Variants in GRID1 observed in about 807,000 individuals in gnomAD.
The protein encoded by GRID1 is glutamate ionotropic receptor delta type subunit 1, also known as glutamate receptor ionotropic, delta-1.
A neutral mutation model predicts 98.0 loss-of-function variants in GRID1; 28 were observed. The ratio of observed to expected loss-of-function variants is 0.29; its 90% CI spans 0.21 to 0.39. GRID1 has a LOEUF of 0.39. Ranked by LOEUF, GRID1 falls within the 10% of genes least tolerant of loss-of-function variation. The pLI, the probability that GRID1 is intolerant of heterozygous loss-of-function variation, is 1.00. For missense variants in GRID1, 1,111 were observed against 1,340.5 expected (o/e 0.83, Z 2.67); for synonymous variants, 553 against 538.5 (o/e 1.03, Z -0.37).
At chr10:86,327,794 T>G (rs779598522) in intron 2 of GRID1, among the ~76,000 whole-genome samples, 1 of 152,172 alleles carries the variant, frequency 6.6e-6, no homozygotes, top group Non-Finnish European at 1.5e-5. Flanking sequence ...TGTGAAAAAG[T>G]GGGTGCTCTT....
In GRID1 at chr10:85,724,361, C is replaced by T. The variant is rs1427231614; in HGVS notation, c.1849G>A (p.Val617Ile). 2.2e-5 allele frequency: 35 copies of T among 1,612,310 alleles called. No individual in the cohort carries two copies. The highest frequency in any genetic ancestry group is 2.8e-5 in the Non-Finnish European group (33 of 1,178,694). The change falls in exon 11 of 16, where the codon GTA becomes ATA. Residue 617 changes from valine to isoleucine, a missense_variant. Val to Ile is a conservative substitution (Grantham distance 29). Around this residue, in one of 3 missense-constraint regions of GRID1, gnomAD observed 762 missense variants for 869.1 expected, o/e 0.88. Transcript: ENST00000327946. ...GAAACCAGAAAGGTACCTTGCTGTA[C>T]GAAGGCTCCATAGACAATCCAGATG... The part of the protein sequence containing the change: ...SAIWIVYGAF[V>I]QQGGESSVNS...
At chr10:86,268,762 G>A (rs749070847) in intron 2 of GRID1, among the ~76,000 whole-genome samples, 2 of 152,086 alleles carry the variant, frequency 1.3e-5, no homozygotes, top group South Asian at 2.1e-4. Flanking sequence ...ATGCCAAGGC[G>A]GGCTGATCAC....
intron 4 of GRID1, among the ~76,000 whole-genome samples, chr10:86,127,096 G>A (rs1589380639): frequency 6.6e-6 from 1 of 152,236 alleles, no homozygotes; most frequent in East Asian, 1.9e-4. Flanking sequence ...ATAGGGCAGA[G>A]AGAAGGGGCA....
chr10:85,695,591 A>G (rs1373267568), intron 12 of GRID1, among the ~76,000 whole-genome samples: 1 of 152,218 alleles, frequency 6.6e-6, no homozygotes, highest in Non-Finnish European at 1.5e-5. Flanking sequence ...ATCTCTGGAT[A>G]CAGGAGGAAT....
At chr10:86,102,675 C>T (rs1844314261) in intron 4 of GRID1, among the ~76,000 whole-genome samples, 2 of 152,182 alleles carry the variant, frequency 1.3e-5, no homozygotes, top group Non-Finnish European at 2.9e-5. Flanking sequence ...GCCAAGAGGC[C>T]CAGGGGACGG....
intron 4 of GRID1, among the ~76,000 whole-genome samples, chr10:86,063,894 C>T (rs1843683165): frequency 6.6e-6 from 1 of 152,064 alleles, no homozygotes; most frequent in South Asian, 2.1e-4. Flanking sequence ...ACTGTCAGGC[C>T]TAAGTATAGA....
rs192383398 is a variant in GRID1 at position 85,852,132 on chromosome 10, T to C, written c.1233+2364A>G. ...GCTACAGTAAATCCCACTCCCTGCT[T>C]TCCAGATAACTTCCCCTTAGCAGCG... On this transcript the variant is annotated intron_variant, in intron 8 of 15. Coordinates refer to ENST00000327946, the MANE Select transcript of GRID1 (RefSeq NM_017551.3). Among the ~76,000 whole-genome samples, 37 of 152,304 alleles carry C rather than the reference T, an allele frequency of 2.4e-4. 1 individual carries two copies. In the Middle Eastern group the frequency reaches 0.014, roughly 56 times the overall value.
chr10:86,274,746 T>C (rs934498124), intron 2 of GRID1, among the ~76,000 whole-genome samples: 13 of 151,772 alleles, frequency 8.6e-5, no homozygotes, highest in African/African-American at 3.1e-4. Flanking sequence ...GCTTGTGATT[T>C]TTGTACATTG....
At chr10:85,737,478 T>C (rs1055265858) in intron 8 of GRID1, among the ~76,000 whole-genome samples, 7 of 151,622 alleles carry the variant, frequency 4.6e-5, no homozygotes, top group Non-Finnish European at 8.8e-5. Context: ...CAGGCCACAA[T>C]GGTCTCAGTG....
At chr10:86,363,579 C>T (rs1296284384) in intron 2 of GRID1, among the ~76,000 whole-genome samples, 2 of 152,204 alleles carry the variant, frequency 1.3e-5, no homozygotes, top group African/African-American at 2.4e-5. Flanking sequence ...TACAGGTACC[C>T]GGCACGCAGA....
At chr10:86,173,180 G>GT in intron 3 of GRID1, among the ~76,000 whole-genome samples, 1 of 152,302 alleles carries the variant, frequency 6.6e-6, no homozygotes, top group African/African-American at 2.4e-5. Context: ...TGGGACTACA[G>GT]GTGTGTGCCA....
intron 4 of GRID1, among the ~76,000 whole-genome samples, chr10:86,087,718 G>C (rs981933876): frequency 1.3e-5 from 2 of 150,682 alleles, no homozygotes; most frequent in Non-Finnish European, 2.9e-5. Flanking sequence ...GTATCACAGA[G>C]ATGTGCAGCC....
chr10:86,097,137 G>A (rs565232654), intron 4 of GRID1, among the ~76,000 whole-genome samples: 58 of 152,290 alleles, frequency 3.8e-4, no homozygotes, highest in African/African-American at 1.3e-3. Flanking sequence ...CTGGTCCTAA[G>A]ACCTTCAGAC....
At chr10:86,145,886 A>G (rs1466390598) in intron 3 of GRID1, among the ~76,000 whole-genome samples, 1 of 152,204 alleles carries the variant, frequency 6.6e-6, no homozygotes, top group Non-Finnish European at 1.5e-5. Flanking sequence ...GCGTGACTTC[A>G]GCAGCCACAC....
At chr10:86,033,288 T>C (rs1185092487) in intron 4 of GRID1, among the ~76,000 whole-genome samples, 1 of 152,120 alleles carries the variant, frequency 6.6e-6, no homozygotes, top group South Asian at 2.1e-4. Context: ...CTAATTATCA[T>C]CATCAAACAT....
chr10:85,709,925 TA>T (rs1328391229), intron 12 of GRID1, among the ~76,000 whole-genome samples: 1 of 151,954 alleles, frequency 6.6e-6, no homozygotes, highest in Admixed American at 6.6e-5. Context: ...ACTTAGGTGA[TA>T]AAAAACAATT....
chr10:86,241,257 C>T (rs1052711055), intron 2 of GRID1, among the ~76,000 whole-genome samples: 14 of 152,258 alleles, frequency 9.2e-5, no homozygotes, highest in African/African-American at 2.9e-4. Context: ...TCACCTCACC[C>T]AGGCTGTCTA....
chr10:86,288,399 G>A (rs1476580666), intron 2 of GRID1, among the ~76,000 whole-genome samples: 1 of 152,170 alleles, frequency 6.6e-6, no homozygotes, highest in Non-Finnish European at 1.5e-5. Flanking sequence ...TTGAGGGAGG[G>A]GGTTCTCTCT....
intron 4 of GRID1, among the ~76,000 whole-genome samples, chr10:85,922,932 C>T (rs1044967156): frequency 1.3e-5 from 2 of 152,118 alleles, no homozygotes; most frequent in African/African-American, 4.8e-5. Context: ...GATGCTGACT[C>T]AGCTGCTTCT....
Sources: allele counts gnomAD v4.1 joint callset (sites outside exome capture counted in the v4.1 genomes callset), GRCh38; gene constraint gnomAD v4.1.1; regional missense constraint gnomAD v4.1.1; transcripts MANE v1.5; gene names NCBI Gene and HGNC (gene_info 2026-07-23, HGNC 2026-07-21).